The following NKAIN2 variants were observed in gnomAD, a reference collection of about 807,000 sequenced individuals.
The protein encoded by NKAIN2 is sodium/potassium transporting ATPase interacting 2, also known as sodium/potassium-transporting ATPase subunit beta-1-interacting protein 2.
In NKAIN2, 14 loss-of-function variants were observed where a neutral mutation model predicts 32.6. The observed-to-expected ratio is 0.43, with a 90% CI of 0.28 to 0.67. NKAIN2 has a LOEUF of 0.67. NKAIN2 is among the 30% of genes least tolerant of loss of function. The pLI is 0.17. For synonymous variants in NKAIN2, 80 were observed against 87.2 expected, an observed-to-expected ratio of 0.92 and a Z score of 0.46; for missense variants, 198 against 258.3, an observed-to-expected ratio of 0.77 and a Z score of 1.60.
chr6:124,706,356 C>G (rs1486286558), intron 4 of NKAIN2, among the ~76,000 whole-genome samples: 1 of 151,990 alleles, frequency 6.6e-6, no homozygotes, highest in Non-Finnish European at 1.5e-5. Flanking sequence ...TGAGAAAGTT[C>G]TAGTTCAAAT....
chr6:124,326,683 A>T (rs559926476), intron 2 of NKAIN2, among the ~76,000 whole-genome samples: 2 of 151,872 alleles, frequency 1.3e-5, no homozygotes, highest in Non-Finnish European at 2.9e-5. Context: ...ACTGCTCTAT[A>T]CTTCTAGATA....
chr6:124,739,013 A>G lies in NKAIN2; in HGVS notation c.475-52326A>G, dbSNP rs538920817. Among the ~76,000 whole-genome samples the G allele has an allele frequency of 4.6e-5, 7 of 151,986 alleles. No individual in the cohort carries two copies. The South Asian group carries it at 8.3e-4, about 18-fold the overall frequency. ...AAGTGTGTTTAATATATTCTCTTAA[A>G]GTTTTATTTATAGATAATGCATATA... On this transcript the variant is annotated intron_variant, in intron 4 of 6. Transcript: ENST00000368417.
At chr6:124,289,360 CAA>C (rs1260880936) in intron 2 of NKAIN2, among the ~76,000 whole-genome samples, 2 of 152,088 alleles carry the variant, frequency 1.3e-5, no homozygotes, top group East Asian at 3.9e-4. Context: ...CAGCTTCAGA[CAA>C]AGTGTCACCT....
Position 123,877,964 on chromosome 6 carries a change from C to T in NKAIN2, c.54+73710C>T, listed in dbSNP as rs562656873. On this transcript the variant is annotated intron_variant, in intron 1 of 6. Transcript: ENST00000368417. Reference sequence around the variant, plus strand: ...AATTATCGCCGGGTGTGGTGGCCTACGCCTGTAATCCCAGCACTTTGGGAG... The same window carrying T: ...AATTATCGCCGGGTGTGGTGGCCTATGCCTGTAATCCCAGCACTTTGGGAG... 2.2e-4 allele frequency among the ~76,000 whole-genome samples: 33 copies of T among 152,238 alleles called. No individual in the cohort carries two copies. In the South Asian group the frequency reaches 3.9e-3, roughly 18 times the overall value.
chr6:124,106,173 T>G (rs1491002258), intron 1 of NKAIN2, among the ~76,000 whole-genome samples: 1 of 152,172 alleles, frequency 6.6e-6, no homozygotes, highest in Non-Finnish European at 1.5e-5. Flanking sequence ...TTTAAATGAT[T>G]TATTTAAATC....
At chr6:124,388,761 G>T (rs1172985386) in intron 3 of NKAIN2, among the ~76,000 whole-genome samples, 3 of 152,048 alleles carry the variant, frequency 2.0e-5, no homozygotes, top group Admixed American at 1.3e-4. Context: ...TGAACAAAGA[G>T]ATGCTCTGCC....
intron 3 of NKAIN2, among the ~76,000 whole-genome samples, chr6:124,396,680 G>A (rs927627202): frequency 6.6e-6 from 1 of 152,116 alleles, no homozygotes; most frequent in African/African-American, 2.4e-5. Context: ...TTAAGAATGT[G>A]TATAGATGGA....
chr6:124,094,278 T>A (rs191861327), intron 1 of NKAIN2, among the ~76,000 whole-genome samples: 4 of 152,170 alleles, frequency 2.6e-5, no homozygotes, highest in Admixed American at 2.6e-4. Context: ...TTTCCTCATA[T>A]AGAAAAAATG....
At chr6:124,499,990 C>T (rs1778222186) in intron 3 of NKAIN2, among the ~76,000 whole-genome samples, 2 of 152,092 alleles carry the variant, frequency 1.3e-5, no homozygotes, top group South Asian at 4.1e-4. Flanking sequence ...GGAAAATAGT[C>T]CATGTGCAAT....
At chr6:124,030,836 T>G (rs1781371765) in intron 1 of NKAIN2, among the ~76,000 whole-genome samples, 1 of 152,192 alleles carries the variant, frequency 6.6e-6, no homozygotes, top group South Asian at 2.1e-4. Context: ...TCAACACTGC[T>G]AGTACCCAAG....
chr6:123,905,717 A>G (rs926492045), intron 1 of NKAIN2, among the ~76,000 whole-genome samples: 3 of 152,138 alleles, frequency 2.0e-5, no homozygotes, highest in African/African-American at 7.2e-5. Context: ...CAGATAAAAA[A>G]AAAGAGAATA....
chr6:123,814,906 T>C (rs2114872643), intron 1 of NKAIN2, among the ~76,000 whole-genome samples: 1 of 152,348 alleles, frequency 6.6e-6, no homozygotes, highest in South Asian at 2.1e-4. Flanking sequence ...GTTCTTAGCC[T>C]GCAGTGCTGT....
Position 124,266,145 on chromosome 6 carries a change from T to C in NKAIN2, c.55-16860T>C, listed in dbSNP as rs527523105. On this transcript the variant is annotated intron_variant, in intron 1 of 6. Coordinates refer to ENST00000368417, the MANE Select transcript of NKAIN2 (RefSeq NM_001040214.3). ...CATAACCTGTGACCCATAATACTCA[T>C]GATGATTCTTTATATAAAGAAGCAT... Among the ~76,000 whole-genome samples, 5 of 152,334 alleles carry C rather than the reference T, an allele frequency of 3.3e-5. No individual in the cohort carries two copies. The East Asian group carries it at 9.6e-4, about 29-fold the overall frequency.
At chr6:124,274,767 T>G (rs183693511) in intron 1 of NKAIN2, among the ~76,000 whole-genome samples, 243 of 152,114 alleles carry the variant, frequency 1.6e-3, no homozygotes, top group African/African-American at 5.5e-3. Flanking sequence ...TATCACAGAA[T>G]GCGGACACAC....
At chr6:124,049,228 T>C (rs1262196185) in intron 1 of NKAIN2, among the ~76,000 whole-genome samples, 2 of 152,076 alleles carry the variant, frequency 1.3e-5, no homozygotes, top group African/African-American at 4.8e-5. Context: ...TGGCTTAGCC[T>C]TGTTTCTAGC....
intron 1 of NKAIN2, among the ~76,000 whole-genome samples, chr6:124,105,022 G>A (rs951753689): frequency 7.2e-5 from 11 of 152,138 alleles, no homozygotes; most frequent in African/African-American, 1.4e-4. Flanking sequence ...AATTGGATGC[G>A]GTTGTGAGGT....
chr6:124,221,687 T>C (rs544146262), intron 1 of NKAIN2, among the ~76,000 whole-genome samples: 1 of 152,244 alleles, frequency 6.6e-6, no homozygotes, highest in African/African-American at 2.4e-5. Flanking sequence ...GCTCAGAATT[T>C]CATGAACCCC....
intron 4 of NKAIN2, among the ~76,000 whole-genome samples, chr6:124,664,145 G>T (rs1309065037): frequency 1.3e-5 from 2 of 151,782 alleles, no homozygotes; most frequent in Non-Finnish European, 2.9e-5. Context: ...CATGGTGGCG[G>T]ATGCATGTCA....
chr6:124,323,061 C>T (rs991605624), intron 2 of NKAIN2, among the ~76,000 whole-genome samples: 3 of 152,120 alleles, frequency 2.0e-5, no homozygotes, highest in African/African-American at 7.2e-5. Flanking sequence ...GCTTATTTGC[C>T]ATCTGCATAT....
Sources: gnomAD v4.1 joint callset for allele counts (sites outside exome capture counted in the v4.1 genomes callset) on GRCh38, gnomAD v4.1.1 for gene constraint, MANE v1.5 for transcripts, NCBI Gene and HGNC (gene_info 2026-07-23, HGNC 2026-07-21) for gene names.